Variants in CSPG4 observed in about 807,000 individuals in gnomAD.
CSPG4 encodes chondroitin sulfate proteoglycan 4 (melanoma-associated).
A neutral mutation model predicts 139.3 loss-of-function variants in CSPG4; 74 were observed. The ratio of observed to expected loss-of-function variants is 0.53; its 90% CI spans 0.44 to 0.64. The LOEUF is 0.64. Ranked by LOEUF, CSPG4 falls within the 30% of genes least tolerant of loss-of-function variation. CSPG4 has a pLI of 0.00. For synonymous variants in CSPG4, 1,234 were observed against 1,394.2 expected (o/e 0.89, Z 2.56); for missense variants, 2,565 against 3,148.3 (o/e 0.81, Z 4.43).
rs1259514905 is a variant in CSPG4, at chr15:75,690,414, G to A, written c.651C>T (p.Ala217=). Residue 217 remains alanine (A), a synonymous_variant, in exon 3 of 10, where the codon GCC becomes GCT. Coordinates refer to ENST00000308508, the MANE Select transcript of CSPG4 (RefSeq NM_001897.5). ...GGGTTCCTTCGTCCTGAGTGCCCCA[G>A]GCAGGGAAGGCAGCCAGAGAGTGGG... ...SGPHSLAAFP[A]WGTQDEGTLE... The A allele has an allele frequency of 1.2e-6, 2 of 1,608,128 alleles. No individual in the cohort carries two copies. Among genetic ancestry groups the A allele is most frequent in the South Asian group, 2.2e-5 (2 of 90,916 alleles).
intron 8 of CSPG4, chr15:75,680,024 C>T (rs1036170898): frequency 1.3e-5 from 2 of 152,266 alleles, no homozygotes; most frequent in East Asian, 3.8e-4. Flanking sequence ...CTATTTTCTT[C>T]TCAGAGAAAA....
chr15:75,679,622 A>G (rs527250795), intron 8 of CSPG4: 1 of 152,358 alleles, frequency 6.6e-6, no homozygotes, highest in South Asian at 2.1e-4. Flanking sequence ...CTCCAGGAAG[A>G]AAAACGGTTT....
chr15:75,701,601 G>A (rs1894301876), intron 1 of CSPG4, among the ~76,000 whole-genome samples: 1 of 152,138 alleles, frequency 6.6e-6, no homozygotes, highest in Admixed American at 6.5e-5. Flanking sequence ...CCCTGGAGCT[G>A]TGCCCACCGC....
intron 8 of CSPG4, chr15:75,680,443 T>C (rs892234513): frequency 2.6e-5 from 4 of 152,362 alleles, no homozygotes; most frequent in African/African-American, 7.2e-5. Flanking sequence ...ACAATTAACT[T>C]CAAAGTATTA....
chr15:75,677,153 C>T lies in CSPG4; in HGVS notation c.5366G>A (p.Gly1789Asp). The change falls in exon 10 of 10, where the codon GGC becomes GAC. Residue 1789 changes from glycine to aspartate, a missense_variant. Physicochemically the swap from Gly to Asp is moderately conservative, Grantham distance 94. Transcript: ENST00000308508. The part of the protein sequence containing the change: ...LAAGQLVYAH[G>D]GGGTQQDGFH... ...GCCATCCTGCTGGGTGCCCCCACCG[C>T]CGTGGGCATACACTAGCTGCCCTGC... 1 of 1,431,920 alleles carries T rather than the reference C, an allele frequency of 7.0e-7. No homozygotes were observed. Among genetic ancestry groups the T allele is most frequent in the Non-Finnish European group, 9.2e-7 (1 of 1,090,504 alleles). 88.7% of individuals were successfully genotyped at this position (1,431,920 alleles called of 1,614,324 possible). A position where few individuals can be genotyped will look rare whatever the true frequency, so the allele number is the denominator to read the frequency against.
At position 75,712,840 on chromosome 15, in the gene CSPG4, C is replaced by G; in HGVS notation, c.-85G>C. On this transcript the variant is annotated 5_prime_UTR_variant, in exon 1 of 10. Coordinates refer to ENST00000308508, the MANE Select transcript of CSPG4 (RefSeq NM_001897.5). ...TGAGTGGAGCGAGCGCGGCTCTGCT[C>G]CTGGGCGCGGGCCGGCTCCGGGTGT... The G allele has an allele frequency of 8.1e-7, 1 of 1,238,420 alleles. No individual in the cohort carries two copies. Among genetic ancestry groups the G allele is most frequent in the South Asian group, 1.6e-5 (1 of 62,380 alleles). 76.7% of individuals were successfully genotyped at this position (1,238,420 alleles called of 1,614,324 possible).
chr15:75,711,795 T>G (rs892384827), intron 1 of CSPG4, among the ~76,000 whole-genome samples: 2 of 152,210 alleles, frequency 1.3e-5, no homozygotes, highest in Admixed American at 1.3e-4. Context: ...ACAGTTCTTA[T>G]GGCATAACTA....
At chr15:75,697,008 G>C (rs1023022848) in intron 1 of CSPG4, among the ~76,000 whole-genome samples, 3 of 152,342 alleles carry the variant, frequency 2.0e-5, no homozygotes, top group Non-Finnish European at 4.4e-5. Flanking sequence ...CCAGGCTCCG[G>C]GGACAAGGAG....
chr15:75,698,100 T>C lies in CSPG4; in HGVS notation c.89-4867A>G, dbSNP rs8038903. ...GCTGTGCACAGGAGTGAGGAGGGGA[T>C]GCCCAGCCAGCCTGCTGGGGAGGGA... is the stretch of plus-strand genomic sequence containing the variant. On this transcript the variant is annotated intron_variant, in intron 1 of 9. Transcript: ENST00000308508. The surrounding 1 kb of genome is among the most constrained non-coding windows in gnomAD (Gnocchi z 4.3). Among the ~76,000 whole-genome samples, 3,469 of 152,178 alleles carry C rather than the reference T, an allele frequency of 0.023. 143 individuals carry two copies. The highest frequency in any genetic ancestry group is 0.078 in the African/African-American group (3,217 of 41,500).
rs763686541 is a variant in CSPG4, at chr15:75,687,885, G to A, written c.3180C>T (p.Arg1060=). The change falls in exon 3 of 10, where the codon CGC becomes CGT. Residue 1060 remains arginine (R), a synonymous_variant. Transcript: ENST00000308508. This position sits in a 1 kb window ranked among gnomAD's most constrained non-coding sequence, Gnocchi z 5.4. ...GFADAQLVLT[R]KDLLFGSIVA... ...CGATACTGCCAAAGAGGAGGTCCTT[G>A]CGGGTAAGCACCAGCTGGGCGTCAG... 2 of 1,612,958 alleles carry A rather than the reference G, an allele frequency of 1.2e-6. No individual in the cohort carries two copies. The highest frequency in any genetic ancestry group is 2.2e-5 in the East Asian group (1 of 44,888).
chr15:75,704,778 C>T (rs983571496), intron 1 of CSPG4, among the ~76,000 whole-genome samples: 18 of 152,204 alleles, frequency 1.2e-4, no homozygotes, highest in African/African-American at 4.3e-4. Flanking sequence ...CCTAGCAGCC[C>T]AGAGCGGAGA....
At chr15:75,704,252 G>A (rs1894341632) in intron 1 of CSPG4, among the ~76,000 whole-genome samples, 1 of 151,898 alleles carries the variant, frequency 6.6e-6, no homozygotes, top group African/African-American at 2.4e-5. Context: ...TCCACCCAGA[G>A]GCCCAGATAG....
chr15:75,710,121 T>G (rs1486216555), intron 1 of CSPG4, among the ~76,000 whole-genome samples: 1 of 152,084 alleles, frequency 6.6e-6, no homozygotes, highest in Non-Finnish European at 1.5e-5. Context: ...CCCCATCAGT[T>G]CTGAGTCCCC....
chr15:75,688,502 C>T lies in CSPG4; in HGVS notation c.2563G>A (p.Gly855Ser). The change falls in exon 3 of 10, where the codon GGC (glycine) becomes AGC (serine). Residue 855 changes from glycine to serine, a missense_variant. By Grantham distance (56) the Gly-to-Ser change is moderately conservative. Transcript: ENST00000308508. The stretch of plus-strand genomic sequence containing the variant: ...GCTGTGGCCCCATAGGTCACCCGGC[C>T]AGCCTGTATGTCATCCTGGGTGAAG... ...QGFTQDDIQA[G>S]RVTYGATARA... The T allele has an allele frequency of 6.2e-7, 1 of 1,613,250 alleles. No homozygotes were observed.
At chr15:75,699,054 C>T (rs1445023173) in intron 1 of CSPG4, among the ~76,000 whole-genome samples, 1 of 152,170 alleles carries the variant, frequency 6.6e-6, no homozygotes, top group African/African-American at 2.4e-5. Context: ...TTCCACCACC[C>T]AGGGCCATCC....
Position 75,688,806 on chromosome 15 carries a change from G to A in CSPG4, c.2259C>T (p.Tyr753=), listed in dbSNP as rs762097413. ...YLSTDPQHHA[Y]DTVENLALEV... ...CCAGGGCCAGGTTCTCCACGGTGTC[G>A]TAAGCGTGGTGCTGTGGGTCAGTGC... Residue 753 remains tyrosine, a synonymous_variant, in exon 3 of 10, where the codon TAC becomes TAT. Coordinates refer to ENST00000308508, the MANE Select transcript of CSPG4 (RefSeq NM_001897.5). 1.9e-5 allele frequency: 30 copies of A among 1,612,776 alleles called. No homozygotes were observed. The African/African-American group carries it at 1.9e-4, about 10-fold the overall frequency.
chr15:75,700,485 C>T (rs1198614983), intron 1 of CSPG4, among the ~76,000 whole-genome samples: 1 of 152,144 alleles, frequency 6.6e-6, no homozygotes, highest in Non-Finnish European at 1.5e-5. Flanking sequence ...CGGGAGGGCC[C>T]TTCTGCAGGG....
In CSPG4 at chr15:75,689,933, C is replaced by T. The variant is rs751127977; in HGVS notation, c.1132G>A (p.Ala378Thr). Residue 378 changes from alanine to threonine, a missense_variant, in exon 3 of 10, where the codon GCC becomes ACC. Coordinates refer to ENST00000308508, the MANE Select transcript of CSPG4 (RefSeq NM_001897.5). The stretch of plus-strand genomic sequence containing the variant: ...TCCTCCTCCTCCAGCCTGCAGCCGG[C>T]TGCCATGTTGCGCGTCAGCAAAGCT... The part of the protein sequence containing the change: ...REALLTRNMA[A>T]GCRLEEEEYE... 6.2e-6 allele frequency: 10 copies of T among 1,611,802 alleles called. No homozygotes were observed. The African/African-American group carries it at 6.7e-5, about 11-fold the overall frequency.
In CSPG4 at chr15:75,689,979, G is replaced by A. The variant is rs1171024521; in HGVS notation, c.1086C>T (p.Gly362=). Residue 362 remains glycine, a synonymous_variant, in exon 3 of 10, where the codon GGC becomes GGT. Coordinates refer to ENST00000308508, the MANE Select transcript of CSPG4 (RefSeq NM_001897.5). The part of the protein sequence containing the change: ...LGCMEDLSVN[G]QRRGLREALL... ...AAGCTTCCCGCAGCCCCCGCCTCTG[G>A]CCATTGACACTGAGGTCTTCCATGC... 6.2e-7 allele frequency: 1 copy of A among 1,611,978 alleles called. No homozygotes were observed. The highest frequency in any genetic ancestry group is 2.2e-5 in the East Asian group (1 of 44,834).
Sources: allele counts gnomAD v4.1 joint callset (sites outside exome capture counted in the v4.1 genomes callset), GRCh38; gene constraint gnomAD v4.1.1; non-coding constraint Gnocchi (gnomAD v3.1); transcripts MANE v1.5; gene names NCBI Gene and HGNC (gene_info 2026-07-23, HGNC 2026-07-21).